Variants in TMEM30A observed in about 807,000 individuals in gnomAD.
TMEM30A encodes cell division cycle 50 P4-ATPase accessory subunit A, also known as cell cycle control protein 50A.
Under a neutral mutation model 38.2 loss-of-function variants are expected in TMEM30A, and 24 were observed. That is an observed-to-expected ratio of 0.63 (90% CI 0.46 to 0.88). The LOEUF (loss-of-function observed/expected upper bound fraction) is 0.88, where lower values mean the gene tolerates loss of function less well. Among genes scored for constraint, TMEM30A ranks in the 40% least tolerant of loss-of-function variants. The pLI, the probability that TMEM30A is intolerant of heterozygous loss-of-function variation, is 0.00. For synonymous variants in TMEM30A, 145 were observed against 161.6 expected (o/e 0.90, Z 0.78); for missense variants, 370 against 458.6 (o/e 0.81, Z 1.77).
Position 75,265,247 on chromosome 6 carries a change from T to A in TMEM30A, c.437A>T (p.Asp146Val), listed in dbSNP as rs1772048654. The change falls in exon 3 of 7, where the codon GAT becomes GTT. Residue 146 changes from aspartate to valine, a missense_variant. Coordinates refer to ENST00000230461, the MANE Select transcript of TMEM30A (RefSeq NM_018247.4). ...KSRDDSQLNG[D>V]SSALLNPSKE... Reference sequence around the variant, plus strand: ...TTTACTTACAAGCAAAGCACTAGAATCTCCATTTAGTTGACTATCATCTCG... The same window carrying A: ...TTTACTTACAAGCAAAGCACTAGAAACTCCATTTAGTTGACTATCATCTCG... 6.2e-7 allele frequency: 1 copy of A among 1,604,918 alleles called. No homozygotes were observed. The highest frequency in any genetic ancestry group is 1.3e-5 in the African/African-American group (1 of 74,670).
chr6:75,263,301 C>T (rs183232715), intron 3 of TMEM30A, among the ~76,000 whole-genome samples: 78 of 152,240 alleles, frequency 5.1e-4, no homozygotes, highest in African/African-American at 1.8e-3. Flanking sequence ...AAGAGGATTA[C>T]GCATAGCTCA....
Position 75,284,767 on chromosome 6 carries a change from G to T in TMEM30A, c.-129C>A. 1 of 843,346 alleles carries T rather than the reference G, an allele frequency of 1.2e-6. No homozygotes were observed. Among genetic ancestry groups the T allele is most frequent in the Non-Finnish European group, 2.0e-6 (1 of 508,990 alleles). 52.2% of individuals were successfully genotyped at this position (843,346 alleles called of 1,614,324 possible). On this transcript the variant is annotated 5_prime_UTR_variant, in exon 1 of 7. It adds an upstream start codon to the 5' untranslated region. Transcript: ENST00000230461. ...CGCAGCCACCAGCGCCACCGCCACA[G>T]CCACCTCCGCTGTAGAGCGGAAGAG...
intron 6 of TMEM30A, among the ~76,000 whole-genome samples, chr6:75,256,944 G>T (rs1771877602): frequency 6.6e-6 from 1 of 152,100 alleles, no homozygotes; most frequent in Non-Finnish European, 1.5e-5. Flanking sequence ...GTAGAATTTT[G>T]CAAGAGGTAA....
chr6:75,284,370 C>T (rs745326781), intron 1 of TMEM30A, 32 bp downstream of exon 1: 1 of 1,604,306 alleles, frequency 6.2e-7, no homozygotes. Context: ...TCCCGAGCAA[C>T]GCCAACTCCC....
intron 1 of TMEM30A, among the ~76,000 whole-genome samples, chr6:75,273,642 G>A (rs1772213845): frequency 6.6e-6 from 1 of 152,058 alleles, no homozygotes; most frequent in Non-Finnish European, 1.5e-5. Context: ...ATATAGTTTT[G>A]ATATTTGTCT....
At position 75,256,037 on chromosome 6, in the gene TMEM30A, G is replaced by T; in HGVS notation, c.*65C>A. On this transcript the variant is annotated 3_prime_UTR_variant, in exon 7 of 7. Transcript: ENST00000230461. ...ACATACTAACCAGATATCAGCATTC[G>T]AAAGCTAGGTTGAATAGGACTGGCC... 1 of 1,173,898 alleles carries T rather than the reference G, an allele frequency of 8.5e-7. No homozygotes were observed. The highest frequency in any genetic ancestry group is 2.6e-5 in the East Asian group (1 of 38,998). The allele number at this position is 1,173,898 out of a possible 1,614,324, so 72.7% of individuals were successfully genotyped here.
At chr6:75,274,822 G>C (rs1238892700) in intron 1 of TMEM30A, among the ~76,000 whole-genome samples, 1 of 151,956 alleles carries the variant, frequency 6.6e-6, no homozygotes, top group Non-Finnish European at 1.5e-5. Context: ...AGGAGATCGA[G>C]ACCACGGTGA....
intron 6 of TMEM30A, among the ~76,000 whole-genome samples, 181 bp from the exon 7 acceptor site, chr6:75,256,476 T>A (rs2149517702): frequency 1.3e-5 from 2 of 152,140 alleles, no homozygotes; most frequent in Middle Eastern, 3.4e-3. Flanking sequence ...AAAGACTGAT[T>A]TAGCAAACTA....
intron 6 of TMEM30A, 36 bp downstream of exon 6, chr6:75,258,744 C>A (rs758214806): frequency 3.1e-6 from 5 of 1,591,254 alleles, no homozygotes; most frequent in Non-Finnish European, 4.3e-6. Context: ...TCCTTTCAAG[C>A]TCTATGAATC....
intron 1 of TMEM30A, among the ~76,000 whole-genome samples, chr6:75,273,267 T>A (rs2149522879): frequency 6.6e-6 from 1 of 152,252 alleles, no homozygotes; most frequent in South Asian, 2.1e-4. Flanking sequence ...CTGAAGAGTT[T>A]TGAGGAGAAC....
chr6:75,259,125 G>T, intron 5 of TMEM30A, 139 bp from the exon 6 acceptor site: 1 of 849,010 alleles, frequency 1.2e-6, no homozygotes. Context: ...TATTATAGCT[G>T]AAATGCTTAT....
At chr6:75,262,836 C>T (rs949048382) in intron 3 of TMEM30A, among the ~76,000 whole-genome samples, 2 of 152,162 alleles carry the variant, frequency 1.3e-5, no homozygotes, top group East Asian at 1.9e-4. Context: ...GAAATAAGAG[C>T]CATGATGAAG....
intron 1 of TMEM30A, among the ~76,000 whole-genome samples, chr6:75,270,164 G>A (rs1473209673): frequency 6.6e-6 from 1 of 152,180 alleles, no homozygotes; most frequent in African/African-American, 2.4e-5. Context: ...ATACCATTTT[G>A]CATTCCATCA....
chr6:75,279,722 AATTCTAAAAATACATTAT>A (rs1772326240), intron 1 of TMEM30A, among the ~76,000 whole-genome samples: 1 of 152,214 alleles, frequency 6.6e-6, no homozygotes, highest in African/African-American at 2.4e-5. Flanking sequence ...TCTTCTTGGT[AATTCTAAAAATACATTAT>A]ATTTCTAAGA....
At chr6:75,265,505 T>C (rs1225220025) in intron 2 of TMEM30A, among the ~76,000 whole-genome samples, 167 bp from the exon 3 acceptor site, 2 of 152,208 alleles carry the variant, frequency 1.3e-5, no homozygotes, top group African/African-American at 2.4e-5. Flanking sequence ...GGCACAACTG[T>C]AAATAAGGCT....
Position 75,284,164 on chromosome 6 carries a change from T to C in TMEM30A, c.237+238A>G, listed in dbSNP as rs1772415507. ...CATTAAACATTCATTCCGTCTCAGC[T>C]CATTCCGTGGATTTGCTCTTTCGTA... On this transcript the variant is annotated intron_variant, in intron 1 of 6. Transcript: ENST00000230461. 5.1e-6 allele frequency: 3 copies of C among 583,058 alleles called. No homozygotes were observed. In the South Asian group the frequency reaches 5.8e-5, roughly 11 times the overall value. 36.1% of individuals were successfully genotyped at this position (583,058 alleles called of 1,614,324 possible).
At chr6:75,257,781 C>T (rs1055123921) in intron 6 of TMEM30A, among the ~76,000 whole-genome samples, 2 of 152,092 alleles carry the variant, frequency 1.3e-5, no homozygotes. Flanking sequence ...TTAATTTAAC[C>T]ATTTACTAAT....
At chr6:75,275,727 T>G (rs1205721463) in intron 1 of TMEM30A, among the ~76,000 whole-genome samples, 1 of 152,192 alleles carries the variant, frequency 6.6e-6, no homozygotes, top group Non-Finnish European at 1.5e-5. Context: ...TTGAATTACT[T>G]GCAATAGCCT....
intron 2 of TMEM30A, among the ~76,000 whole-genome samples, chr6:75,267,277 AGCTT>A (rs1772085659): frequency 6.6e-6 from 1 of 152,216 alleles, no homozygotes. Flanking sequence ...TCTAAAGTAA[AGCTT>A]GCTTTAGTAT....
Sources: gnomAD v4.1 joint callset for allele counts (sites outside exome capture counted in the v4.1 genomes callset) on GRCh38, gnomAD v4.1.1 for gene constraint, MANE v1.5 for transcripts, NCBI Gene and HGNC (gene_info 2026-07-23, HGNC 2026-07-21) for gene names.